The following PAH variants were observed in gnomAD, a reference collection of about 807,000 sequenced individuals.
The protein encoded by PAH is phenylalanine-4-hydroxylase.
PAH carries 64 observed loss-of-function variants against 62.0 expected under a neutral mutation model. The observed-to-expected ratio is 1.03, with a 90% CI of 0.84 to 1.27. The LOEUF is 1.27. PAH is among the 50% of genes most tolerant of loss of function. The pLI is 0.00. For synonymous variants in PAH, 195 were observed against 196.2 expected (o/e 0.99, Z 0.05); for missense variants, 579 against 542.8 (o/e 1.07, Z -0.66).
At chr12:102,949,304 C>T (rs962766357) in intron 1 of PAH, among the ~76,000 whole-genome samples, 2 of 152,164 alleles carry the variant, frequency 1.3e-5, no homozygotes, top group African/African-American at 4.8e-5. Flanking sequence ...ACTGGTCTCA[C>T]TGATGACATC....
At chr12:102,891,473 C>A (rs1877271462) in intron 3 of PAH, among the ~76,000 whole-genome samples, 1 of 152,166 alleles carries the variant, frequency 6.6e-6, no homozygotes, top group African/African-American at 2.4e-5. Flanking sequence ...GTACAGGCTG[C>A]ATTTTGGTCG....
intron 1 of PAH, chr12:102,913,849 CAG>C: frequency 1.4e-6 from 1 of 701,886 alleles, no homozygotes; most frequent in East Asian, 2.7e-5. Flanking sequence ...GCTGACATTC[CAG>C]AGTTTGCTAA....
chr12:102,938,573 A>G lies in PAH; in HGVS notation c.-96+12016T>C, dbSNP rs190973592. Among the ~76,000 whole-genome samples, 144 of 152,304 alleles carry G rather than the reference A, an allele frequency of 9.5e-4. 2 individuals are homozygous for G. The highest frequency in any genetic ancestry group is 3.3e-3 in the African/African-American group (138 of 41,574). ...ATCTTCAGGCAAAGCCCACTGGCCC[A>G]GGACCCCAGAACAGCCACCCTACTC... On this transcript the variant is annotated intron_variant, in intron 1 of 3. Coordinates refer to the PAH transcript ENST00000546844.
At chr12:102,862,024 A>T (rs574057692) in intron 5 of PAH, among the ~76,000 whole-genome samples, 2 of 152,192 alleles carry the variant, frequency 1.3e-5, no homozygotes, top group African/African-American at 2.4e-5. Flanking sequence ...AAACAGAAAT[A>T]CCATTTGACC....
chr12:102,848,827 A>AGGT (rs1875014622), intron 8 of PAH, among the ~76,000 whole-genome samples: 4 of 149,704 alleles, frequency 2.7e-5, no homozygotes, highest in African/African-American at 9.9e-5. Context: ...GAGTGTAGAC[A>AGGT]CAATACCAGG....
chr12:102,875,950 T>TAGAC (rs1555206400), intron 4 of PAH, among the ~76,000 whole-genome samples: 1 of 39,080 alleles, frequency 2.6e-5, no homozygotes, highest in Non-Finnish European at 5.4e-5. Context: ...CATATATATA[T>TAGAC]AGACAGAGCG....
chr12:102,903,851 A>G (rs887796225), intron 2 of PAH, among the ~76,000 whole-genome samples: 1 of 152,050 alleles, frequency 6.6e-6, no homozygotes, highest in Admixed American at 6.5e-5. Flanking sequence ...TCCCTTCCCT[A>G]GAGAATATGT....
intron 4 of PAH, among the ~76,000 whole-genome samples, chr12:102,875,183 G>C (rs1565858368): frequency 2.6e-5 from 4 of 152,186 alleles, no homozygotes; most frequent in Non-Finnish European, 5.9e-5. Context: ...CTGATATGTT[G>C]TATTTTTACA....
intron 1 of PAH, among the ~76,000 whole-genome samples, chr12:102,937,722 TTATTA>T (rs1330036609): frequency 1.3e-5 from 2 of 152,188 alleles, no homozygotes; most frequent in African/African-American, 4.8e-5. Flanking sequence ...ATTTACAATG[TTATTA>T]TATTACATTT....
chr12:102,897,492 T>TATATATATATATATACATATATAA (rs1379613102), intron 2 of PAH, among the ~76,000 whole-genome samples: 8 of 137,450 alleles, frequency 5.8e-5, no homozygotes, highest in South Asian at 2.1e-4. Context: ...TATATATATA[T>TATATATATATATATACATATATAA]AATTCAAACT....
chr12:102,886,690 C>T (rs1474939809), intron 3 of PAH, among the ~76,000 whole-genome samples: 3 of 152,034 alleles, frequency 2.0e-5, no homozygotes, highest in African/African-American at 7.2e-5. Context: ...ATCAACTGAC[C>T]CCACGCCTGG....
At chr12:102,931,758 AAT>A (rs1878884269) in intron 1 of PAH, among the ~76,000 whole-genome samples, 1 of 152,102 alleles carries the variant, frequency 6.6e-6, no homozygotes, top group South Asian at 2.1e-4. Flanking sequence ...TGCGAAAAGG[AAT>A]ATTATGTTAA....
chr12:102,901,150 G>A (rs936819570), intron 2 of PAH, among the ~76,000 whole-genome samples: 1 of 152,126 alleles, frequency 6.6e-6, no homozygotes, highest in Non-Finnish European at 1.5e-5. Flanking sequence ...GTTCATAATG[G>A]TGAAAAGTTG....
At chr12:102,860,901 T>C (rs901867437) in intron 5 of PAH, among the ~76,000 whole-genome samples, 2 of 152,174 alleles carry the variant, frequency 1.3e-5, no homozygotes, top group African/African-American at 4.8e-5. Flanking sequence ...ACTTAGGTAA[T>C]ACCATTCAGG....
rs769202957 is a variant in PAH, at chr12:102,958,309, A to T, written c.-210T>A. 62 of 1,478,500 alleles carry T rather than the reference A, an allele frequency of 4.2e-5. No homozygotes were observed. Among genetic ancestry groups the T allele is most frequent in the Non-Finnish European group, 5.4e-5 (60 of 1,120,368 alleles). 91.6% of individuals were successfully genotyped at this position (1,478,500 alleles called of 1,614,324 possible). A position where few individuals can be genotyped will look rare whatever the true frequency, so the allele number is the denominator to read the frequency against. ...CAGCAGCCCCAGCCGCAGCCCCAGC[A>T]GCCCTTCCTGCCGCCCGCAGCCTGT... On this transcript the variant is annotated 5_prime_UTR_variant, in exon 1 of 5. Coordinates refer to the PAH transcript ENST00000551337.
intron 1 of PAH, among the ~76,000 whole-genome samples, chr12:102,927,280 G>GTT (rs34781084): frequency 8.1e-4 from 105 of 129,178 alleles, no homozygotes; most frequent in Non-Finnish European, 7.5e-4. Flanking sequence ...CTTCAAAAAA[G>GTT]TTTTTTTTTT....
chr12:102,912,248 A>AT (rs759819874), intron 2 of PAH, among the ~76,000 whole-genome samples: 2 of 152,188 alleles, frequency 1.3e-5, no homozygotes, highest in Admixed American at 6.5e-5. Flanking sequence ...ATCATAAGAC[A>AT]TTTACCAATG....
intron 1 of PAH, among the ~76,000 whole-genome samples, chr12:102,925,335 G>A (rs1878657725): frequency 6.6e-6 from 1 of 152,094 alleles, no homozygotes; most frequent in Non-Finnish European, 1.5e-5. Flanking sequence ...TCAGAGCAAA[G>A]GAGGAAAGGT....
intron 2 of PAH, among the ~76,000 whole-genome samples, chr12:102,911,613 T>C (rs529978892): frequency 6.6e-6 from 1 of 152,312 alleles, no homozygotes; most frequent in East Asian, 1.9e-4. Flanking sequence ...TCTCATGCTC[T>C]GCCTTCCCTC....
Sources: gnomAD v4.1 joint callset for allele counts (sites outside exome capture counted in the v4.1 genomes callset) on GRCh38, gnomAD v4.1.1 for gene constraint, MANE v1.5 for transcripts, NCBI Gene and HGNC (gene_info 2026-07-23, HGNC 2026-07-21) for gene names.